The following LTBP1 variants were observed in gnomAD, a reference collection of about 807,000 sequenced individuals.
LTBP1 encodes latent-transforming growth factor beta-binding protein 1.
A neutral mutation model predicts 207.6 loss-of-function variants in LTBP1; 129 were observed. The observed-to-expected ratio is 0.62, with a 90% CI of 0.54 to 0.72. The LOEUF (loss-of-function observed/expected upper bound fraction) is 0.72, where lower values mean the gene tolerates loss of function less well. Ranked by LOEUF, LTBP1 falls within the 30% of genes least tolerant of loss-of-function variation. LTBP1 has a pLI of 0.00. For synonymous variants in LTBP1, 963 were observed against 833.7 expected (o/e 1.16, Z -2.67); for missense variants, 2,281 against 2,217.2 (o/e 1.03, Z -0.58).
intron 26 of LTBP1, among the ~76,000 whole-genome samples, chr2:33,348,002 A>G (rs887951059): frequency 6.6e-6 from 1 of 152,208 alleles, no homozygotes; most frequent in Admixed American, 6.5e-5. Context: ...GAGAGTAGCT[A>G]TGTTTGCATT....
chr2:33,044,222 G>A (rs2076334548), intron 3 of LTBP1, among the ~76,000 whole-genome samples: 1 of 151,882 alleles, frequency 6.6e-6, no homozygotes, highest in Admixed American at 6.6e-5. Context: ...CCATCAACCT[G>A]TCATCTACAT....
At chr2:33,176,250 G>T (rs2086043400) in intron 5 of LTBP1, among the ~76,000 whole-genome samples, 1 of 151,926 alleles carries the variant, frequency 6.6e-6, no homozygotes, top group Non-Finnish European at 1.5e-5. Context: ...TTTCTGAGAT[G>T]GAGTCTCGCT....
chr2:32,964,271 A>G (rs1164702742), intron 2 of LTBP1, among the ~76,000 whole-genome samples: 1 of 152,246 alleles, frequency 6.6e-6, no homozygotes, highest in Non-Finnish European at 1.5e-5. Flanking sequence ...ATTGCCTATT[A>G]TAAGACTAGG....
At chr2:33,013,236 G>T (rs1415874797) in intron 2 of LTBP1, among the ~76,000 whole-genome samples, 1 of 151,978 alleles carries the variant, frequency 6.6e-6, no homozygotes, top group African/African-American at 2.4e-5. Context: ...GCAGCACTTA[G>T]TACTAATATT....
At chr2:33,048,743 T>TA (rs1408990601) in intron 3 of LTBP1, among the ~76,000 whole-genome samples, 1 of 152,198 alleles carries the variant, frequency 6.6e-6, no homozygotes, top group Non-Finnish European at 1.5e-5. Flanking sequence ...GGATTATCTC[T>TA]ACCTGATTAG....
chr2:32,960,493 G>A (rs1038897508), intron 2 of LTBP1, among the ~76,000 whole-genome samples: 1 of 152,164 alleles, frequency 6.6e-6, no homozygotes, highest in Non-Finnish European at 1.5e-5. Flanking sequence ...TACACGGAAG[G>A]TGTTAAGATG....
At chr2:33,304,586 C>G (rs557522988) in intron 22 of LTBP1, among the ~76,000 whole-genome samples, 1 of 152,162 alleles carries the variant, frequency 6.6e-6, no homozygotes, top group Non-Finnish European at 1.5e-5. Flanking sequence ...TGATAATGAA[C>G]GTGCCTCAAT....
chr2:32,965,629 T>G (rs1454968617), intron 2 of LTBP1, among the ~76,000 whole-genome samples: 1 of 152,224 alleles, frequency 6.6e-6, no homozygotes, highest in East Asian at 1.9e-4. Context: ...CACTTAAAGT[T>G]CCTCCATGTC....
intron 26 of LTBP1, among the ~76,000 whole-genome samples, chr2:33,359,187 C>T (rs2094898570): frequency 6.6e-6 from 1 of 152,168 alleles, no homozygotes; most frequent in African/African-American, 2.4e-5. Context: ...CCAGAATCAA[C>T]TGGATGAGGG....
chr2:33,390,644 T>G (rs953394665), intron 32 of LTBP1, among the ~76,000 whole-genome samples: 21 of 152,008 alleles, frequency 1.4e-4, no homozygotes, highest in Non-Finnish European at 2.5e-4. Context: ...CGTGCCACTA[T>G]GTGCAGCTAA....
At chr2:33,259,455 T>A in intron 12 of LTBP1, 133 bp from the exon 13 acceptor site, 1 of 565,948 alleles carries the variant, frequency 1.8e-6, no homozygotes. Context: ...TGATCCTAAT[T>A]CTGCATTTGC....
chr2:33,087,577 C>G (rs762005642), intron 3 of LTBP1, among the ~76,000 whole-genome samples: 15 of 152,148 alleles, frequency 9.9e-5, no homozygotes, highest in Non-Finnish European at 1.5e-4. Context: ...CCAGAAATCT[C>G]TGATTTTCTT....
chr2:33,045,082 T>C (rs543737043), intron 3 of LTBP1, among the ~76,000 whole-genome samples: 2 of 152,338 alleles, frequency 1.3e-5, no homozygotes, highest in South Asian at 2.1e-4. Flanking sequence ...ACTCTGATGA[T>C]AGTTTCTTTT....
chr2:33,057,292 G>A (rs1172296007), intron 3 of LTBP1, among the ~76,000 whole-genome samples: 1 of 152,210 alleles, frequency 6.6e-6, no homozygotes, highest in Non-Finnish European at 1.5e-5. Context: ...GCTCATTGGT[G>A]TATTTACAAT....
In LTBP1 at chr2:33,339,891, T is replaced by C. The variant is rs1052140364; in HGVS notation, c.3731-2947T>C. 2.2e-4 allele frequency among the ~76,000 whole-genome samples: 34 copies of C among 151,974 alleles called. 1 individual carries two copies. Among genetic ancestry groups the C allele is most frequent in the Admixed American group, 6.6e-5 (1 of 15,252 alleles). ...AACTCCCGACCTCAGGTGATCTGCCTGTCTCGGCCTCCCAAAGTGCTGGGA... is the reference window on the plus strand; with the variant it reads ...AACTCCCGACCTCAGGTGATCTGCCCGTCTCGGCCTCCCAAAGTGCTGGGA... On this transcript the variant is annotated intron_variant, in intron 24 of 33. Coordinates refer to ENST00000404816, the MANE Select transcript of LTBP1 (RefSeq NM_206943.4).
At chr2:33,378,614 A>C (rs1049499693) in intron 31 of LTBP1, among the ~76,000 whole-genome samples, 1 of 152,222 alleles carries the variant, frequency 6.6e-6, no homozygotes, top group African/African-American at 2.4e-5. Flanking sequence ...TCTAAGAAGC[A>C]TGAACTGTGA....
chr2:33,134,944 C>G lies in LTBP1; in HGVS notation c.1185C>G (p.Ala395=). Residue 395 remains alanine, a synonymous_variant, in exon 5 of 34, where the codon GCC becomes GCG. Transcript: ENST00000404816. This position sits in a 1 kb window ranked among gnomAD's most constrained non-coding sequence, Gnocchi z 4.4. ...ENGHAADTLT[A]TNFRVVICHL... ...GTCATGCTGCCGACACCCTGACGGC[C>G]ACGAACTTCCGAGTGGGTGAGTTCC... The G allele has an allele frequency of 6.2e-7, 1 of 1,611,886 alleles. No individual in the cohort carries two copies. The highest frequency in any genetic ancestry group is 8.5e-7 in the Non-Finnish European group (1 of 1,178,914).
intron 23 of LTBP1, among the ~76,000 whole-genome samples, chr2:33,312,254 C>T (rs968844034): frequency 1.3e-5 from 2 of 152,158 alleles, no homozygotes; most frequent in African/African-American, 4.8e-5. Context: ...TAACCATGGA[C>T]ATGTTTGAAT....
In LTBP1 at chr2:33,261,581, G is replaced by A. The variant is rs148009451; in HGVS notation, c.2419-1141G>A. On this transcript the variant is annotated intron_variant, in intron 13 of 33. Transcript: ENST00000404816. ...AGGGTGAACAACTGTTAAGAAAAAA[G>A]TGTCAATGGACGGGGCTTGCAATGA... Among the ~76,000 whole-genome samples, 15 of 152,188 alleles carry A rather than the reference G, an allele frequency of 9.9e-5. 1 individual carries two copies. Among genetic ancestry groups the A allele is most frequent in the African/African-American group, 3.6e-4 (15 of 41,526 alleles).
Sources: gnomAD v4.1 joint callset for allele counts (sites outside exome capture counted in the v4.1 genomes callset) on GRCh38, gnomAD v4.1.1 for gene constraint, Gnocchi (gnomAD v3.1) non-coding constraint, MANE v1.5 for transcripts, NCBI Gene and HGNC (gene_info 2026-07-23, HGNC 2026-07-21) for gene names.